DOCK5: variants seen among roughly 807,000 people sequenced by gnomAD.
The protein encoded by DOCK5 is dedicator of cytokinesis 5, also known as dedicator of cytokinesis protein 5.
A neutral mutation model predicts 251.8 loss-of-function variants in DOCK5; 142 were observed. That is an observed-to-expected ratio of 0.56 (90% confidence interval 0.49 to 0.65). The LOEUF (loss-of-function observed/expected upper bound fraction) is 0.65, where lower values mean the gene tolerates loss of function less well. Ranked by LOEUF, DOCK5 falls within the 30% of genes least tolerant of loss-of-function variation. DOCK5 has a pLI of 0.00. For synonymous variants in DOCK5, 842 were observed against 835.5 expected, an observed-to-expected ratio of 1.01 and a Z score of -0.13; for missense variants, 2,111 against 2,312.3, an observed-to-expected ratio of 0.91 and a Z score of 1.79.
chr8:25,402,075 AT>A (rs1801448812), intron 47 of DOCK5, among the ~76,000 whole-genome samples: 1 of 151,886 alleles, frequency 6.6e-6, no homozygotes, highest in African/African-American at 2.4e-5. Context: ...ACTTATCTGC[AT>A]TTTTTTCTTT....
intron 27 of DOCK5, among the ~76,000 whole-genome samples, chr8:25,356,432 G>A (rs1478627137): frequency 3.3e-5 from 5 of 152,144 alleles, no homozygotes; most frequent in African/African-American, 1.2e-4. Context: ...TCGGGAGGCT[G>A]AACCTAGCAG....
intron 14 of DOCK5, 145 bp downstream of exon 14, chr8:25,317,276 T>G (rs1805277958): frequency 5.6e-6 from 7 of 1,250,578 alleles, no homozygotes; most frequent in Middle Eastern, 5.9e-4. Flanking sequence ...GTTAAATTTG[T>G]GATTAGCAGT....
At chr8:25,281,150 G>A (rs1371754517) in intron 5 of DOCK5, among the ~76,000 whole-genome samples, 1 of 152,138 alleles carries the variant, frequency 6.6e-6, no homozygotes, top group African/African-American at 2.4e-5. Flanking sequence ...ATGGGGGCCA[G>A]GTGCAGTGGC....
intron 40 of DOCK5, 120 bp downstream of exon 40, chr8:25,382,898 G>A: frequency 1.2e-6 from 1 of 808,250 alleles, no homozygotes; most frequent in Non-Finnish European, 1.9e-6. Context: ...TGGGAGGTAG[G>A]GGAGGGAAAC....
chr8:25,304,589 G>A (rs73673886), intron 11 of DOCK5: 9,343 of 387,738 alleles, frequency 0.024, 715 homozygotes, highest in African/African-American at 0.17. Flanking sequence ...TGTCTGCTCT[G>A]GAATGCAGAG....
chr8:25,204,774 C>T (rs1801961701), intron 1 of DOCK5, among the ~76,000 whole-genome samples: 1 of 152,186 alleles, frequency 6.6e-6, no homozygotes, highest in African/African-American at 2.4e-5. Context: ...AATTTTCTCT[C>T]CCTGAGGCTG....
chr8:25,268,844 G>C lies in DOCK5; in HGVS notation c.128-1G>C. The C allele has an allele frequency of 6.4e-7, 1 of 1,574,110 alleles. No individual in the cohort carries two copies. The highest frequency in any genetic ancestry group is 8.6e-7 in the Non-Finnish European group (1 of 1,161,962). ...TTTTGTGTTCTCTTTTGCTCTGACAGGTTGGTACAGAGGATATACCCTCCA... is the reference window on the plus strand; with the variant it reads ...TTTTGTGTTCTCTTTTGCTCTGACACGTTGGTACAGAGGATATACCCTCCA... On this transcript the variant is annotated splice_acceptor_variant, in intron 2 of 51. Transcript: ENST00000276440. LOFTEE classifies it high-confidence loss of function.
At chr8:25,403,877 A>C (rs1801480491) in intron 48 of DOCK5, among the ~76,000 whole-genome samples, 153 bp downstream of exon 48, 1 of 152,208 alleles carries the variant, frequency 6.6e-6, no homozygotes, top group African/African-American at 2.4e-5. Flanking sequence ...GAATAATAAC[A>C]ACAGTTACTA....
At chr8:25,278,174 C>A (rs1804097295) in intron 4 of DOCK5, among the ~76,000 whole-genome samples, 1 of 152,150 alleles carries the variant, frequency 6.6e-6, no homozygotes, top group Non-Finnish European at 1.5e-5. Flanking sequence ...CCAGGACACT[C>A]GTGCCACACA....
chr8:25,303,501 G>A (rs191779760), intron 10 of DOCK5, among the ~76,000 whole-genome samples: 4 of 152,286 alleles, frequency 2.6e-5, no homozygotes, highest in Admixed American at 2.0e-4. Flanking sequence ...TAAACGCCCA[G>A]CATCTTCCTC....
chr8:25,383,061 G>A (rs1403831131), intron 40 of DOCK5, among the ~76,000 whole-genome samples: 1 of 152,172 alleles, frequency 6.6e-6, no homozygotes, highest in African/African-American at 2.4e-5. Context: ...TCACGCCAGG[G>A]AAAAGTGTGG....
intron 25 of DOCK5, among the ~76,000 whole-genome samples, chr8:25,344,954 A>T (rs1346649970): frequency 6.6e-6 from 1 of 152,168 alleles, no homozygotes; most frequent in Non-Finnish European, 1.5e-5. Flanking sequence ...CAGAAGACAT[A>T]ATAGGTCATA....
intron 7 of DOCK5, among the ~76,000 whole-genome samples, chr8:25,298,337 T>C (rs1464934564): frequency 6.6e-6 from 1 of 152,196 alleles, no homozygotes; most frequent in Non-Finnish European, 1.5e-5. Flanking sequence ...TAATGGATCA[T>C]GATGTTTGTG....
At chr8:25,185,887 T>A (rs1801417142) in intron 1 of DOCK5, among the ~76,000 whole-genome samples, 1 of 152,188 alleles carries the variant, frequency 6.6e-6, no homozygotes, top group Non-Finnish European at 1.5e-5. Context: ...GGAAGACTTC[T>A]GCCCTGAACG....
At chr8:25,355,059 C>A (rs1218363586) in intron 27 of DOCK5, among the ~76,000 whole-genome samples, 1 of 152,076 alleles carries the variant, frequency 6.6e-6, no homozygotes, top group Non-Finnish European at 1.5e-5. Flanking sequence ...CATAGCAAGA[C>A]CCTGTCTCTA....
chr8:25,407,966 T>A lies in DOCK5; in HGVS notation c.5094-17T>A, dbSNP rs1037601214. ...TGATCAGTATTTGTGATGTTTGTCC[T>A]TGTTCCTGGCCAATAGCTCAATCTT... On this transcript the variant is annotated splice_polypyrimidine_tract_variant and intron_variant, in intron 48 of 51. Coordinates refer to ENST00000276440, the MANE Select transcript of DOCK5 (RefSeq NM_024940.8). 6.2e-7 allele frequency: 1 copy of A among 1,606,074 alleles called. No homozygotes were observed. The highest frequency in any genetic ancestry group is 8.5e-7 in the Non-Finnish European group (1 of 1,176,366).
chr8:25,285,315 T>C (rs1804303676), intron 5 of DOCK5, among the ~76,000 whole-genome samples: 3 of 152,090 alleles, frequency 2.0e-5, no homozygotes, highest in Non-Finnish European at 2.9e-5. Context: ...CTGGCTAATT[T>C]TTGTATTTTC....
intron 14 of DOCK5, among the ~76,000 whole-genome samples, chr8:25,318,640 T>C (rs553785328): frequency 1.6e-4 from 23 of 147,984 alleles, no homozygotes; most frequent in Non-Finnish European, 3.1e-4. Flanking sequence ...AATGCAGGTA[T>C]CTGCCAGCTT....
chr8:25,384,807 C>T (rs944649404), intron 40 of DOCK5, among the ~76,000 whole-genome samples: 12 of 152,190 alleles, frequency 7.9e-5, no homozygotes, highest in African/African-American at 2.9e-4. Context: ...GTGGCTCACA[C>T]CTGTAATCCC....
Sources: gnomAD v4.1 joint callset for allele counts (sites outside exome capture counted in the v4.1 genomes callset) on GRCh38, gnomAD v4.1.1 for gene constraint, MANE v1.5 for transcripts, NCBI Gene and HGNC (gene_info 2026-07-23, HGNC 2026-07-21) for gene names.